Variants in LAMTOR2 observed in about 807,000 individuals in gnomAD.
The protein encoded by LAMTOR2 is late endosomal/lysosomal adaptor, MAPK and MTOR activator 2.
LAMTOR2 carries 4 observed loss-of-function variants against 15.8 expected under a neutral mutation model. That is an observed-to-expected ratio of 0.25 (90% CI 0.12 to 0.58). LAMTOR2 has a LOEUF of 0.58. LAMTOR2 is among the 20% of genes least tolerant of loss of function. The pLI is 0.91. For synonymous variants in LAMTOR2, 62 were observed against 64.1 expected, an observed-to-expected ratio of 0.97 and a Z score of 0.15; for missense variants, 100 against 161.0, an observed-to-expected ratio of 0.62 and a Z score of 2.05.
Position 156,058,304 on chromosome 1 carries a change from T to C in LAMTOR2, c.322-11T>C. 6.2e-7 allele frequency: 1 copy of C among 1,614,074 alleles called. No homozygotes were observed. The highest frequency in any genetic ancestry group is 8.5e-7 in the Non-Finnish European group (1 of 1,179,998). On this transcript the variant is annotated splice_polypyrimidine_tract_variant and intron_variant, in intron 3 of 3. Coordinates refer to ENST00000368305, the MANE Select transcript of LAMTOR2 (RefSeq NM_014017.4). Reference sequence around the variant, plus strand: ...CTGTGTGCGGGACTGATCTCTGTTCTCCCTCTGCAGGCCCAGGCTTTGGTG... The same window carrying C: ...CTGTGTGCGGGACTGATCTCTGTTCCCCCTCTGCAGGCCCAGGCTTTGGTG...
chr1:156,057,253 G>A (rs1199358846), intron 2 of LAMTOR2, among the ~76,000 whole-genome samples: 1 of 151,784 alleles, frequency 6.6e-6, no homozygotes, highest in East Asian at 1.9e-4. Flanking sequence ...AACACTTTGG[G>A]AGGCTGAGGC....
chr1:156,057,831 G>A (rs1385019994), intron 2 of LAMTOR2, 147 bp from the exon 3 acceptor site: 1 of 731,922 alleles, frequency 1.4e-6, no homozygotes, highest in East Asian at 2.7e-5. Flanking sequence ...TCAGGGCTGT[G>A]GCCAAAAGCT....
In LAMTOR2 at chr1:156,055,463, A is replaced by C; in HGVS notation, c.231+38A>C. 6.2e-7 allele frequency: 1 copy of C among 1,613,222 alleles called. No homozygotes were observed. Among genetic ancestry groups the C allele is most frequent in the Non-Finnish European group, 8.5e-7 (1 of 1,179,422 alleles). On this transcript the variant is annotated intron_variant, in intron 2 of 3. Coordinates refer to ENST00000368305, the MANE Select transcript of LAMTOR2 (RefSeq NM_014017.4). The surrounding 1 kb of genome is among the most constrained non-coding windows in gnomAD (Gnocchi z 4.8). ...GAGCCAGACTTCCCCTGTCCCCCAA[A>C]GGGGATCCCAAGGGGGCGACCTGGA...
In LAMTOR2 at chr1:156,055,478, G is replaced by T. The variant is rs1647313327; in HGVS notation, c.231+53G>T. ...TGTCCCCCAAAGGGGATCCCAAGGG[G>T]GCGACCTGGACCCCATCCTGGATGG... On this transcript the variant is annotated intron_variant, in intron 2 of 3. Transcript: ENST00000368305. This position sits in a 1 kb window ranked among gnomAD's most constrained non-coding sequence, Gnocchi z 4.8. 1.2e-6 allele frequency: 2 copies of T among 1,607,640 alleles called. No homozygotes were observed. Among genetic ancestry groups the T allele is most frequent in the African/African-American group, 1.3e-5 (1 of 74,972 alleles).
Position 156,055,498 on chromosome 1 carries a change from G to T in LAMTOR2, c.231+73G>T, listed in dbSNP as rs1647313958. 1.3e-6 allele frequency: 2 copies of T among 1,572,084 alleles called. No individual in the cohort carries two copies. Among genetic ancestry groups the T allele is most frequent in the East Asian group, 2.2e-5 (1 of 44,678 alleles). Reference sequence around the variant, plus strand: ...AAGGGGGCGACCTGGACCCCATCCTGGATGGTTGGAGGGGCAGGGACAGGA... The same window carrying T: ...AAGGGGGCGACCTGGACCCCATCCTTGATGGTTGGAGGGGCAGGGACAGGA... On this transcript the variant is annotated intron_variant, in intron 2 of 3. Transcript: ENST00000368305. The surrounding 1 kb of genome is among the most constrained non-coding windows in gnomAD (Gnocchi z 4.8).
In LAMTOR2 at chr1:156,055,488, AC is replaced by A; in HGVS notation, c.231+67del. 6.3e-7 allele frequency: 1 copy of A among 1,591,476 alleles called. No homozygotes were observed. Among genetic ancestry groups the A allele is most frequent in the Non-Finnish European group, 8.6e-7 (1 of 1,160,776 alleles). On this transcript the variant is annotated intron_variant, in intron 2 of 3. Coordinates refer to ENST00000368305, the MANE Select transcript of LAMTOR2 (RefSeq NM_014017.4). The surrounding 1 kb of genome is among the most constrained non-coding windows in gnomAD (Gnocchi z 4.8). ...AGGGGATCCCAAGGGGGCGACCTGG[AC>A]CCCATCCTGGATGGTTGGAGGGGCA...
At position 156,055,787 on chromosome 1, in the gene LAMTOR2, G is replaced by T; in HGVS notation, c.231+362G>T. The stretch of plus-strand genomic sequence containing the variant: ...GTTGTGAAGGTCAGATGAAATAATG[G>T]GTATAAACAGTAGAATGACGTGCAA... On this transcript the variant is annotated intron_variant, in intron 2 of 3. Transcript: ENST00000368305. This position sits in a 1 kb window ranked among gnomAD's most constrained non-coding sequence, Gnocchi z 4.8. 6.3e-6 allele frequency: 2 copies of T among 316,428 alleles called. No individual in the cohort carries two copies. Among genetic ancestry groups the T allele is most frequent in the Non-Finnish European group, 6.2e-6 (1 of 162,150 alleles). The allele number at this position is 316,428 out of a possible 1,614,324, so 19.6% of individuals were successfully genotyped here.
Position 156,055,549 on chromosome 1 carries a change from T to C in LAMTOR2, c.231+124T>C. 1 of 1,104,594 alleles carries C rather than the reference T, an allele frequency of 9.1e-7. No homozygotes were observed. The highest frequency in any genetic ancestry group is 2.4e-5 in the East Asian group (1 of 41,822). The allele number at this position is 1,104,594 out of a possible 1,614,324, so 68.4% of individuals were successfully genotyped here. ...TCTCCGGAAGATTACTAAGAGTTGG[T>C]CTGCAGCAGCATTTGTAATAGGCAG... On this transcript the variant is annotated intron_variant, in intron 2 of 3. Coordinates refer to ENST00000368305, the MANE Select transcript of LAMTOR2 (RefSeq NM_014017.4). This position sits in a 1 kb window ranked among gnomAD's most constrained non-coding sequence, Gnocchi z 4.8.
chr1:156,054,822 C>T lies in LAMTOR2; in HGVS notation c.-68C>T. On this transcript the variant is annotated 5_prime_UTR_variant, in exon 1 of 4. Transcript: ENST00000368305. ...AGGCCAACGGGACTACGGGAAGCAG[C>T]GGGCAGCGGCCCGCGGGAGGCACCT... 3 of 1,514,542 alleles carry T rather than the reference C, an allele frequency of 2.0e-6. No individual in the cohort carries two copies. The highest frequency in any genetic ancestry group is 1.8e-4 in the Middle Eastern group (1 of 5,628). The allele number at this position is 1,514,542 out of a possible 1,614,324, so 93.8% of individuals were successfully genotyped here.
rs1378968189 is a variant in LAMTOR2, at chr1:156,056,900, C to T, written c.232-1078C>T. Reference sequence around the variant, plus strand: ...GCCATAAGAAATACATTTTAAGGGGCTGGGCATGGTGGCTCATGCCTGTAA... The same window carrying T: ...GCCATAAGAAATACATTTTAAGGGGTTGGGCATGGTGGCTCATGCCTGTAA... On this transcript the variant is annotated intron_variant, in intron 2 of 3. Coordinates refer to ENST00000368305, the MANE Select transcript of LAMTOR2 (RefSeq NM_014017.4). Among the ~76,000 whole-genome samples, 3 of 152,178 alleles carry T rather than the reference C, an allele frequency of 2.0e-5. No homozygotes were observed. The East Asian group carries it at 5.8e-4, about 29-fold the overall frequency.
rs889095551 is a variant in LAMTOR2, at chr1:156,058,064, C to T, written c.318C>T (p.Ala106=). Residue 106 remains alanine, a synonymous_variant, in exon 3 of 4, where the codon GCC becomes GCT. Transcript: ENST00000368305. ...KETVGFGMLK[A]KAQALVQYLE... The stretch of plus-strand genomic sequence containing the variant: ...CCGTGGGCTTTGGAATGCTCAAGGC[C>T]AAGGTGTGTATGTGCCCATCCCTCC... The T allele has an allele frequency of 2.5e-6, 4 of 1,613,968 alleles. No individual in the cohort carries two copies. The Admixed American group carries it at 6.7e-5, about 27-fold the overall frequency.
In LAMTOR2 at chr1:156,055,485, T is replaced by A; in HGVS notation, c.231+60T>A. On this transcript the variant is annotated intron_variant, in intron 2 of 3. Transcript: ENST00000368305. The surrounding 1 kb of genome is among the most constrained non-coding windows in gnomAD (Gnocchi z 4.8). ...CAAAGGGGATCCCAAGGGGGCGACC[T>A]GGACCCCATCCTGGATGGTTGGAGG... The A allele has an allele frequency of 6.3e-7, 1 of 1,595,138 alleles. No individual in the cohort carries two copies. The highest frequency in any genetic ancestry group is 2.2e-5 in the East Asian group (1 of 44,778).
chr1:156,058,470 C>A lies in LAMTOR2; in HGVS notation c.*99C>A. ...CTTAGACAATGGGGGGAGGATGGGA[C>A]TTTGTTTTTTCCAAGAATAAACTTC... On this transcript the variant is annotated 3_prime_UTR_variant, in exon 4 of 4. Transcript: ENST00000368305. The A allele has an allele frequency of 7.6e-7, 1 of 1,318,752 alleles. No individual in the cohort carries two copies. The highest frequency in any genetic ancestry group is 1.1e-6 in the Non-Finnish European group (1 of 917,966). The allele number at this position is 1,318,752 out of a possible 1,614,324, so 81.7% of individuals were successfully genotyped here.
chr1:156,058,289 G>T, intron 3 of LAMTOR2, 26 bp from the exon 4 acceptor site: 1 of 1,614,094 alleles, frequency 6.2e-7, no homozygotes, highest in South Asian at 1.1e-5. Flanking sequence ...CTGTGTGCGG[G>T]ACTGATCTCT....
At chr1:156,058,186 G>A (rs1252740365) in intron 3 of LAMTOR2, 119 bp downstream of exon 3, 1 of 1,496,930 alleles carries the variant, frequency 6.7e-7, no homozygotes, top group Admixed American at 1.7e-5. Context: ...CATTTCTGGT[G>A]TGGGCCAGCT....
Position 156,055,225 on chromosome 1 carries a change from C to G in LAMTOR2, c.69-38C>G, listed in dbSNP as rs554439679. ...GGAAACCCAGACGTTTTACTCCCCG[C>G]TCTGAGCACATCGCTATCCCTCCCC... On this transcript the variant is annotated intron_variant, in intron 1 of 3. Transcript: ENST00000368305. The surrounding 1 kb of genome is among the most constrained non-coding windows in gnomAD (Gnocchi z 4.8). 5.1e-5 allele frequency: 83 copies of G among 1,611,674 alleles called. No individual in the cohort carries two copies. The South Asian group carries it at 8.5e-4, about 16-fold the overall frequency.
rs746371582 is a variant in LAMTOR2, at chr1:156,055,312, A to C, written c.118A>C (p.Thr40Pro). ...GCTGGCCTACTCTGGTTACGGGGAC[A>C]CTGACGCCCGGGTCACCGCTGCCAT... ...SLLAYSGYGD[T>P]DARVTAAIAS... is the part of the protein sequence containing the mutation. The change falls in exon 2 of 4, where the codon ACT (threonine) becomes CCT (proline). Residue 40 changes from threonine (T) to proline (P), a missense_variant. Thr to Pro is a conservative substitution (Grantham distance 38). Transcript: ENST00000368305. The surrounding 1 kb of genome is among the most constrained non-coding windows in gnomAD (Gnocchi z 4.8). 9 of 1,614,048 alleles carry C rather than the reference A, an allele frequency of 5.6e-6. No homozygotes were observed. The highest frequency in any genetic ancestry group is 7.6e-6 in the Non-Finnish European group (9 of 1,180,032).
At position 156,055,615 on chromosome 1, in the gene LAMTOR2, C is replaced by T. The variant is rs1558094216; in HGVS notation, c.231+190C>T. On this transcript the variant is annotated intron_variant, in intron 2 of 3. Coordinates refer to ENST00000368305, the MANE Select transcript of LAMTOR2 (RefSeq NM_014017.4). The surrounding 1 kb of genome is among the most constrained non-coding windows in gnomAD (Gnocchi z 4.8). ...GTGGTGGTGAGGAAGGATCCCTGGA[C>T]CTGAGAGGTCTGACTTGGGTTCTGG... 3.0e-6 allele frequency: 2 copies of T among 663,452 alleles called. No homozygotes were observed. The highest frequency in any genetic ancestry group is 5.2e-6 in the Non-Finnish European group (2 of 385,104). The allele number at this position is 663,452 out of a possible 1,614,324, so 41.1% of individuals were successfully genotyped here.
rs772749860 is a variant in LAMTOR2, at chr1:156,055,241, A to G, written c.69-22A>G. On this transcript the variant is annotated intron_variant, in intron 1 of 3. Coordinates refer to ENST00000368305, the MANE Select transcript of LAMTOR2 (RefSeq NM_014017.4). This position sits in a 1 kb window ranked among gnomAD's most constrained non-coding sequence, Gnocchi z 4.8. Reference sequence around the variant, plus strand: ...TACTCCCCGCTCTGAGCACATCGCTATCCCTCCCCGCCCCTCACCAGGCTG... The same window carrying G: ...TACTCCCCGCTCTGAGCACATCGCTGTCCCTCCCCGCCCCTCACCAGGCTG... The G allele has an allele frequency of 1.3e-5, 21 of 1,612,944 alleles. No homozygotes were observed. In the African/African-American group the frequency reaches 2.0e-4, roughly 15 times the overall value.
Sources: gnomAD v4.1 joint callset for allele counts (sites outside exome capture counted in the v4.1 genomes callset) on GRCh38, gnomAD v4.1.1 for gene constraint, Gnocchi (gnomAD v3.1) non-coding constraint, MANE v1.5 for transcripts, NCBI Gene and HGNC (gene_info 2026-07-23, HGNC 2026-07-21) for gene names.